Variants in FRMD4B observed in about 807,000 individuals in gnomAD.
The protein encoded by FRMD4B is FERM domain containing 4B.
A neutral mutation model predicts 141.5 loss-of-function variants in FRMD4B; 74 were observed. That is an observed-to-expected ratio of 0.52 (90% CI 0.43 to 0.63). FRMD4B has a LOEUF of 0.63. FRMD4B is among the 30% of genes least tolerant of loss of function. The pLI is 0.00. For missense variants in FRMD4B, 1,366 were observed against 1,253.4 expected, an observed-to-expected ratio of 1.09 and a Z score of -1.36; for synonymous variants, 506 against 467.9, an observed-to-expected ratio of 1.08 and a Z score of -1.05.
rs184721193 is a variant in FRMD4B at position 69,195,267 on chromosome 3, T to C, written c.1332A>G (p.Lys444=). 9.5e-5 allele frequency: 153 copies of C among 1,613,120 alleles called. 1 individual carries two copies. In the East Asian group the frequency reaches 2.7e-3, roughly 28 times the overall value. Residue 444 remains lysine (K), a synonymous_variant, in exon 15 of 23, where the codon AAA becomes AAG. Transcript: ENST00000398540. ...EKLLQEKLLK[K]VEELKKICLR... Reference sequence around the variant, plus strand: ...GACAGATCTTCTTAAGCTCCTCAACTTTTTTCAGAAGTTTTTCTTGTAATA... The same window carrying C: ...GACAGATCTTCTTAAGCTCCTCAACCTTTTTCAGAAGTTTTTCTTGTAATA...
At chr3:69,521,530 T>C (rs894464516) in intron 1 of FRMD4B, among the ~76,000 whole-genome samples, 7 of 152,230 alleles carry the variant, frequency 4.6e-5, no homozygotes, top group African/African-American at 1.7e-4. Context: ...TATTTTAAAG[T>C]GTGAGTCAAA....
At chr3:69,423,866 C>T (rs1705025932) in intron 2 of FRMD4B, among the ~76,000 whole-genome samples, 2 of 152,172 alleles carry the variant, frequency 1.3e-5, no homozygotes. Context: ...CACTGAATGG[C>T]CTGGTGTCTT....
chr3:69,302,260 T>TA (rs1008829704), intron 4 of FRMD4B, 83 bp downstream of exon 4: 9 of 737,490 alleles, frequency 1.2e-5, no homozygotes, highest in African/African-American at 5.3e-5. Flanking sequence ...ACCAGAAATG[T>TA]AAAAAATAGC....
intron 3 of FRMD4B, among the ~76,000 whole-genome samples, chr3:69,310,269 C>G (rs186932142): frequency 6.6e-6 from 1 of 152,208 alleles, no homozygotes; most frequent in East Asian, 1.9e-4. Context: ...TAATCAGAAG[C>G]CACAAGGTGT....
At chr3:69,312,504 G>A (rs1256345776) in intron 2 of FRMD4B, among the ~76,000 whole-genome samples, 1 of 152,198 alleles carries the variant, frequency 6.6e-6, no homozygotes, top group Non-Finnish European at 1.5e-5. Flanking sequence ...AAAATTCTAG[G>A]CTAGCTGTAG....
chr3:69,515,833 C>T (rs1231315731), intron 1 of FRMD4B, among the ~76,000 whole-genome samples: 2 of 152,150 alleles, frequency 1.3e-5, no homozygotes, highest in East Asian at 3.8e-4. Context: ...AGAAGCAATG[C>T]TGGTTAATGT....
At chr3:69,234,957 T>C (rs1186304014) in intron 7 of FRMD4B, among the ~76,000 whole-genome samples, 1 of 151,886 alleles carries the variant, frequency 6.6e-6, no homozygotes, top group African/African-American at 2.4e-5. Context: ...CAGACCAGCC[T>C]GGCCAACATG....
intron 1 of FRMD4B, among the ~76,000 whole-genome samples, chr3:69,336,078 C>T (rs1702540294): frequency 6.9e-6 from 1 of 144,234 alleles, no homozygotes; most frequent in South Asian, 2.2e-4. Context: ...TTTTCTTTAC[C>T]CCTCAAGAAC....
At chr3:69,254,112 T>A (rs2093478898) in intron 5 of FRMD4B, among the ~76,000 whole-genome samples, 1 of 152,034 alleles carries the variant, frequency 6.6e-6, no homozygotes, top group Non-Finnish European at 1.5e-5. Flanking sequence ...ACACCTTTTT[T>A]TTTTCTTTTT....
At chr3:69,198,647 C>T (rs1291920908) in intron 12 of FRMD4B, 51 bp downstream of exon 12, 6 of 838,540 alleles carry the variant, frequency 7.2e-6, no homozygotes, top group African/African-American at 1.7e-5. Context: ...TTGATAGCAG[C>T]GTTATTTGTA....
rs1244036560 is a variant in FRMD4B, at chr3:69,489,580, A to G, written c.-129+52626T>C. Among the ~76,000 whole-genome samples, 5 of 152,304 alleles carry G rather than the reference A, an allele frequency of 3.3e-5. 1 individual carries two copies. In the South Asian group the frequency reaches 8.3e-4, roughly 25 times the overall value. On this transcript the variant is annotated intron_variant, in intron 1 of 5. Coordinates refer to the FRMD4B transcript ENST00000459638. ...AGAATGGCTATAATAAAAAAGACAG[A>G]TAATAAATGTTGGCAAAGAGGTGGA...
intron 11 of FRMD4B, among the ~76,000 whole-genome samples, chr3:69,211,023 GAA>G (rs541259572): frequency 2.6e-4 from 22 of 85,834 alleles, no homozygotes; most frequent in South Asian, 1.2e-3. Context: ...ATGCCATCTC[GAA>G]AAAAAAAAAA....
chr3:69,429,582 T>C (rs1476306828), intron 2 of FRMD4B, among the ~76,000 whole-genome samples: 1 of 152,050 alleles, frequency 6.6e-6, no homozygotes, highest in Admixed American at 6.6e-5. Flanking sequence ...AAATAACATA[T>C]GTATCCCTAA....
At chr3:69,541,657 A>G (rs2107183888) in intron 1 of FRMD4B, among the ~76,000 whole-genome samples, 1 of 152,294 alleles carries the variant, frequency 6.6e-6, no homozygotes, top group South Asian at 2.1e-4. Context: ...GAAAAGTGAA[A>G]TACTCCACAA....
intron 1 of FRMD4B, among the ~76,000 whole-genome samples, chr3:69,507,181 A>G (rs1706610262): frequency 6.6e-6 from 1 of 152,138 alleles, no homozygotes; most frequent in African/African-American, 2.4e-5. Context: ...CTTAATGGCC[A>G]TTCATTTTTG....
chr3:69,175,019 A>G (rs2092627843), intron 22 of FRMD4B, among the ~76,000 whole-genome samples: 1 of 152,186 alleles, frequency 6.6e-6, no homozygotes, highest in South Asian at 2.1e-4. Context: ...TGTTTAGCTG[A>G]GACAATTGGC....
At chr3:69,509,609 T>C (rs1224542039) in intron 1 of FRMD4B, among the ~76,000 whole-genome samples, 1 of 152,158 alleles carries the variant, frequency 6.6e-6, no homozygotes, top group Non-Finnish European at 1.5e-5. Context: ...TCTGTTCAAT[T>C]GCATTTGCCT....
intron 7 of FRMD4B, among the ~76,000 whole-genome samples, chr3:69,247,838 A>G (rs973742447): frequency 3.9e-5 from 6 of 152,198 alleles, no homozygotes; most frequent in African/African-American, 1.4e-4. Flanking sequence ...TTTAATAGAG[A>G]CAGGGTTTCA....
chr3:69,331,347 G>A (rs1433890565), intron 1 of FRMD4B, among the ~76,000 whole-genome samples: 1 of 152,178 alleles, frequency 6.6e-6, no homozygotes. Context: ...GGCGTAGGGC[G>A]GTGGTTGGGA....
Sources: gnomAD v4.1 joint callset for allele counts (sites outside exome capture counted in the v4.1 genomes callset) on GRCh38, gnomAD v4.1.1 for gene constraint, MANE v1.5 for transcripts, NCBI Gene and HGNC (gene_info 2026-07-23, HGNC 2026-07-21) for gene names.